Variants in GXYLT1 observed in about 807,000 individuals in gnomAD.
The protein encoded by GXYLT1 is glucoside xylosyltransferase 1.
Under a neutral mutation model 54.0 loss-of-function variants are expected in GXYLT1, and 29 were observed. The ratio of observed to expected loss-of-function variants is 0.54; its 90% confidence interval spans 0.40 to 0.73. The LOEUF is 0.73. Ranked by LOEUF, GXYLT1 falls within the 30% of genes least tolerant of loss-of-function variation. The pLI, the probability that GXYLT1 is intolerant of heterozygous loss-of-function variation, is 0.00. For synonymous variants in GXYLT1, 176 were observed against 204.1 expected (o/e 0.86, Z 1.17); for missense variants, 490 against 553.4 (o/e 0.89, Z 1.15).
rs372930107 is a variant in GXYLT1 at position 42,099,839 on chromosome 12, A to C, written c.865-1806T>G. On this transcript the variant is annotated intron_variant, in intron 5 of 7. Coordinates refer to ENST00000398675, the MANE Select transcript of GXYLT1 (RefSeq NM_173601.2). ...GCACTCCGGCATGGGTAACAGAATG[A>C]GACCCTGTCTCAAATAAAAAAAAGT... Among the ~76,000 whole-genome samples the C allele has an allele frequency of 9.8e-5, 15 of 152,342 alleles. No homozygotes were observed. In the East Asian group the frequency reaches 2.5e-3, roughly 25 times the overall value.
rs2065260232 is a variant in GXYLT1 at position 42,082,608 on chromosome 12, A to G, written c.*5178T>C. 2 of 152,090 alleles carry G rather than the reference A, an allele frequency of 1.3e-5. No homozygotes were observed. The highest frequency in any genetic ancestry group is 1.3e-4 in the Admixed American group (2 of 15,250). The allele number at this position is 152,090 out of a possible 1,614,324, so 9.4% of individuals were successfully genotyped here. ...ATCCTCCTGCCTCAACTTCCTGTGT[A>G]GCTAGGACCGCAGGCAAACACCACC... On this transcript the variant is annotated 3_prime_UTR_variant, in exon 8 of 8. Coordinates refer to ENST00000398675, the MANE Select transcript of GXYLT1 (RefSeq NM_173601.2).
At chr12:42,137,548 C>G (rs565625317) in intron 1 of GXYLT1, among the ~76,000 whole-genome samples, 2 of 141,036 alleles carry the variant, frequency 1.4e-5, no homozygotes, top group South Asian at 2.3e-4. Flanking sequence ...GTCAGGAGAT[C>G]GAGACCATCC....
Position 42,119,181 on chromosome 12 carries a change from A to T in GXYLT1, c.315-10T>A. Reference sequence around the variant, plus strand: ...TATTTTCAGACTGTACCTAATAGGAAAGAAAACCACATTTTTCAACAGTTT... The same window carrying T: ...TATTTTCAGACTGTACCTAATAGGATAGAAAACCACATTTTTCAACAGTTT... On this transcript the variant is annotated splice_polypyrimidine_tract_variant and intron_variant, in intron 2 of 7. Coordinates refer to ENST00000398675, the MANE Select transcript of GXYLT1 (RefSeq NM_173601.2). 6.8e-7 allele frequency: 1 copy of T among 1,472,784 alleles called. No homozygotes were observed. The highest frequency in any genetic ancestry group is 1.8e-4 in the Middle Eastern group (1 of 5,536). The allele number at this position is 1,472,784 out of a possible 1,614,324, so 91.2% of individuals were successfully genotyped here.
intron 2 of GXYLT1, among the ~76,000 whole-genome samples, chr12:42,124,142 G>C (rs1314361554): frequency 6.6e-6 from 1 of 151,022 alleles, no homozygotes. Flanking sequence ...TAAATAACCA[G>C]TGAAAATATA....
intron 7 of GXYLT1, among the ~76,000 whole-genome samples, chr12:42,089,973 A>G (rs2065320368): frequency 6.6e-6 from 1 of 152,240 alleles, no homozygotes; most frequent in Non-Finnish European, 1.5e-5. Flanking sequence ...TTTTTACTAT[A>G]TGACAATAAA....
At chr12:42,105,371 A>C (rs980132665) in intron 5 of GXYLT1, among the ~76,000 whole-genome samples, 4 of 152,180 alleles carry the variant, frequency 2.6e-5, no homozygotes, top group Non-Finnish European at 5.9e-5. Context: ...ACTCCTCACA[A>C]AAGTCCCAAG....
At chr12:42,136,220 A>C (rs2065618749) in intron 1 of GXYLT1, among the ~76,000 whole-genome samples, 1 of 152,228 alleles carries the variant, frequency 6.6e-6, no homozygotes, top group Non-Finnish European at 1.5e-5. Flanking sequence ...AAATTAGCAA[A>C]AGCAACTCAT....
chr12:42,097,416 T>TA lies in GXYLT1; in HGVS notation c.1161+25dup, dbSNP rs751614002. 7.8e-4 allele frequency: 1,177 copies of TA among 1,518,672 alleles called. 2 individuals are homozygous for TA. Among genetic ancestry groups the TA allele is most frequent in the Non-Finnish European group, 9.4e-4 (1,080 of 1,144,212 alleles). 94.1% of individuals were successfully genotyped at this position (1,518,672 alleles called of 1,614,324 possible). A position where few individuals can be genotyped will look rare whatever the true frequency, so the allele number is the denominator to read the frequency against. ...TTGAAAGTATTTTCAAACAAAAAGTTAAAAAAAAGGAAAGGCAAATCTTAC... is the reference window on the plus strand; with the variant it reads ...TTGAAAGTATTTTCAAACAAAAAGTTAAAAAAAAAGGAAAGGCAAATCTTAC... On this transcript the variant is annotated intron_variant, in intron 7 of 7. Coordinates refer to ENST00000398675, the MANE Select transcript of GXYLT1 (RefSeq NM_173601.2).
In GXYLT1 at chr12:42,136,912, C is replaced by G. The variant is rs2065622979; in HGVS notation, c.222-7061G>C. Among the ~76,000 whole-genome samples the G allele has an allele frequency of 3.9e-5, 6 of 152,018 alleles. No homozygotes were observed. The South Asian group carries it at 1.0e-3, about 26-fold the overall frequency. On this transcript the variant is annotated intron_variant, in intron 1 of 7. Transcript: ENST00000398675. ...CCTCAACCTCTGGAGTAGCTGGGAC[C>G]ACAGGCGCACACCACTATGCCCAGG...
At chr12:42,102,577 AG>A (rs765806740) in intron 5 of GXYLT1, among the ~76,000 whole-genome samples, 2 of 152,278 alleles carry the variant, frequency 1.3e-5, no homozygotes, top group Non-Finnish European at 2.9e-5. Flanking sequence ...TGCCCTCAGT[AG>A]GTGGAGCAAA....
chr12:42,101,281 CAGAA>C (rs1466747569), intron 5 of GXYLT1, among the ~76,000 whole-genome samples: 2 of 152,048 alleles, frequency 1.3e-5, no homozygotes, highest in East Asian at 3.8e-4. Flanking sequence ...AAAGAAGAAA[CAGAA>C]ATGGCTACAA....
At chr12:42,096,985 A>C (rs1482925633) in intron 7 of GXYLT1, among the ~76,000 whole-genome samples, 1 of 152,124 alleles carries the variant, frequency 6.6e-6, no homozygotes, top group Non-Finnish European at 1.5e-5. Context: ...CTAATAAAAA[A>C]AGGGGTGAAG....
intron 2 of GXYLT1, among the ~76,000 whole-genome samples, chr12:42,128,863 C>T (rs1246502765): frequency 6.6e-6 from 1 of 151,996 alleles, no homozygotes; most frequent in African/African-American, 2.4e-5. Flanking sequence ...TTTGTAGAGA[C>T]AGGGTCTTGC....
chr12:42,121,372 C>G (rs1032380624), intron 2 of GXYLT1, among the ~76,000 whole-genome samples: 2 of 152,178 alleles, frequency 1.3e-5, no homozygotes, highest in Non-Finnish European at 2.9e-5. Context: ...TGGCTAACAC[C>G]TGTAATTCCA....
At position 42,105,858 on chromosome 12, in the gene GXYLT1, A is replaced by G. The variant is rs750225351; in HGVS notation, c.824T>C (p.Met275Thr). The G allele has an allele frequency of 5.1e-5, 83 of 1,613,344 alleles. No homozygotes were observed. Among genetic ancestry groups the G allele is most frequent in the Non-Finnish European group, 6.7e-5 (79 of 1,179,536 alleles). Residue 275 changes from methionine to threonine, a missense_variant, in exon 5 of 8, where the codon ATG becomes ACG. Met to Thr is a moderately conservative substitution (Grantham distance 81). Coordinates refer to ENST00000398675, the MANE Select transcript of GXYLT1 (RefSeq NM_173601.2). ...TCTCATTCGAGTCATGTTCATCAAC[A>G]TAACTCCAGAGTTTACTCCAGTTTT... ...YGKTGVNSGV[M>T]LMNMTRMRRK...
chr12:42,140,638 A>G (rs554178939), intron 1 of GXYLT1, among the ~76,000 whole-genome samples: 26 of 152,334 alleles, frequency 1.7e-4, no homozygotes, highest in South Asian at 1.0e-3. Flanking sequence ...TTCTCAGTAT[A>G]TAACACTAGT....
intron 2 of GXYLT1, among the ~76,000 whole-genome samples, chr12:42,121,449 C>T (rs2065530753): frequency 6.6e-6 from 1 of 151,992 alleles, no homozygotes; most frequent in Non-Finnish European, 1.5e-5. Flanking sequence ...CTGGGTAACA[C>T]AGCGAGACCC....
intron 5 of GXYLT1, among the ~76,000 whole-genome samples, chr12:42,101,386 A>C (rs2065389061): frequency 6.6e-6 from 1 of 152,206 alleles, no homozygotes; most frequent in South Asian, 2.1e-4. Flanking sequence ...CTACATATCC[A>C]TACTAGGTAC....
At chr12:42,138,497 C>A (rs767163530) in intron 1 of GXYLT1, among the ~76,000 whole-genome samples, 6 of 151,634 alleles carry the variant, frequency 4.0e-5, no homozygotes, top group Middle Eastern at 3.4e-3. Context: ...TCTACCAGCC[C>A]CCAGCTCCCC....
Sources: gnomAD v4.1 joint callset for allele counts (sites outside exome capture counted in the v4.1 genomes callset) on GRCh38, gnomAD v4.1.1 for gene constraint, MANE v1.5 for transcripts, NCBI Gene and HGNC (gene_info 2026-07-23, HGNC 2026-07-21) for gene names.